Variants in IMMP1L observed in about 807,000 individuals in gnomAD.
IMMP1L encodes the protein inner mitochondrial membrane peptidase subunit 1.
IMMP1L carries 24 observed loss-of-function variants against 21.8 expected under a neutral mutation model. The observed-to-expected ratio is 1.10, with a 90% CI of 0.80 to 1.55. The LOEUF is 1.55. Ranked by LOEUF, IMMP1L falls within the 40% of genes most tolerant of loss-of-function variation. The probability of loss-of-function intolerance (pLI) is 0.00; values close to 1 mark genes in which losing one functional copy is unlikely to be tolerated. For synonymous variants in IMMP1L, 46 were observed against 62.8 expected (o/e 0.73, Z 1.26); for missense variants, 195 against 200.7 (o/e 0.97, Z 0.17).
At chr11:31,488,168 T>A (rs1167733552) in intron 1 of IMMP1L, 1 of 151,784 alleles carries the variant, frequency 6.6e-6, no homozygotes, top group Non-Finnish European at 1.5e-5. Context: ...TTAGGGAAGT[T>A]GCAGGGCTTC....
chr11:31,438,467 GCAT>G (rs2133550727), intron 4 of IMMP1L, among the ~76,000 whole-genome samples: 1 of 152,194 alleles, frequency 6.6e-6, no homozygotes, highest in African/African-American at 2.4e-5. Context: ...CTCCCAGGCT[GCAT>G]CTTTTTAAAT....
intron 1 of IMMP1L, chr11:31,477,088 T>C (rs1954752657): frequency 6.6e-6 from 1 of 152,082 alleles, no homozygotes; most frequent in Admixed American, 6.6e-5. Context: ...TTACCTTCAT[T>C]ACAAAAAATA....
At chr11:31,462,466 G>T (rs966344115) in intron 2 of IMMP1L, among the ~76,000 whole-genome samples, 1 of 151,562 alleles carries the variant, frequency 6.6e-6, no homozygotes, top group Non-Finnish European at 1.5e-5. Flanking sequence ...AAATTGACTG[G>T]CTGGTCAATC....
At chr11:31,487,694 G>T (rs1955129555) in intron 1 of IMMP1L, among the ~76,000 whole-genome samples, 1 of 152,006 alleles carries the variant, frequency 6.6e-6, no homozygotes, top group South Asian at 2.1e-4. Context: ...AATTATTACA[G>T]AACATTTAAC....
intron 1 of IMMP1L, among the ~76,000 whole-genome samples, chr11:31,497,535 C>T (rs1039584113): frequency 7.3e-5 from 11 of 150,030 alleles, no homozygotes; most frequent in Non-Finnish European, 1.5e-4. Flanking sequence ...GATCTCCGCT[C>T]ACCGCAACCT....
intron 1 of IMMP1L, among the ~76,000 whole-genome samples, chr11:31,484,809 C>A (rs571546003): frequency 6.6e-6 from 1 of 151,924 alleles, no homozygotes; most frequent in South Asian, 2.1e-4. Flanking sequence ...AGGCAATTTC[C>A]AACGATGTGC....
At chr11:31,439,500 C>T (rs1162383459) in intron 4 of IMMP1L, among the ~76,000 whole-genome samples, 3 of 152,132 alleles carry the variant, frequency 2.0e-5, no homozygotes, top group African/African-American at 4.8e-5. Flanking sequence ...TTTTAGAGTG[C>T]TTCTCTGCTA....
chr11:31,494,946 A>C lies in IMMP1L; in HGVS notation c.-30+14573T>G, dbSNP rs189583733. Among the ~76,000 whole-genome samples the C allele has an allele frequency of 4.8e-3, 727 of 152,190 alleles. 8 individuals carry two copies. Among genetic ancestry groups the C allele is most frequent in the African/African-American group, 0.017 (700 of 41,560 alleles). ...GGCGTGAGCCACCGCGACCAGCCCA[A>C]ATTTTCCAAACTTTTATGCTCTGTT... On this transcript the variant is annotated intron_variant, in intron 1 of 5. Coordinates refer to ENST00000532287, the MANE Select transcript of IMMP1L (RefSeq NM_001304274.2).
chr11:31,483,271 G>A (rs1440200779), intron 1 of IMMP1L, among the ~76,000 whole-genome samples: 2 of 151,888 alleles, frequency 1.3e-5, no homozygotes, highest in Non-Finnish European at 2.9e-5. Flanking sequence ...AAAATCATTA[G>A]GCTATCCACT....
intron 1 of IMMP1L, among the ~76,000 whole-genome samples, chr11:31,471,171 T>C (rs541851461): frequency 2.0e-5 from 3 of 152,364 alleles, no homozygotes; most frequent in South Asian, 4.1e-4. Flanking sequence ...TGTTAATTAC[T>C]CTGATTTGAT....
rs183886081 is a variant in IMMP1L at position 31,460,845 on chromosome 11, T to C, written c.106-131A>G. ...AGCTTGGGGGATGATTCATGAAAAT[T>C]TGGCAGTTCTCAAGTAAGTTCAACT... On this transcript the variant is annotated intron_variant, in intron 2 of 5. Coordinates refer to ENST00000532287, the MANE Select transcript of IMMP1L (RefSeq NM_001304274.2). The C allele has an allele frequency of 9.3e-4, 639 of 688,830 alleles. 7 individuals are homozygous for C. The African/African-American group carries it at 0.01, about 11-fold the overall frequency. 42.7% of individuals were successfully genotyped at this position (688,830 alleles called of 1,614,324 possible).
At chr11:31,494,196 G>A (rs1034949429) in intron 1 of IMMP1L, among the ~76,000 whole-genome samples, 4 of 152,204 alleles carry the variant, frequency 2.6e-5, no homozygotes, top group Non-Finnish European at 4.4e-5. Context: ...GCAGACTTCT[G>A]CCTGGTCATC....
At position 31,460,732 on chromosome 11, in the gene IMMP1L, T is replaced by C. The variant is rs1455263074; in HGVS notation, c.106-18A>G. The C allele has an allele frequency of 6.9e-7, 1 of 1,442,370 alleles. No individual in the cohort carries two copies. Among genetic ancestry groups the C allele is most frequent in the South Asian group, 1.2e-5 (1 of 83,470 alleles). 89.3% of individuals were successfully genotyped at this position (1,442,370 alleles called of 1,614,324 possible). ...CCAGAACACTGAAAAGAGAGGTAAT[T>C]TGTAATCTAAATTCAAAATCTCTTT... On this transcript the variant is annotated intron_variant, in intron 2 of 5. Transcript: ENST00000532287.
At chr11:31,433,398 T>G (rs1201707191) in intron 5 of IMMP1L, 62 bp downstream of exon 5, 5 of 960,778 alleles carry the variant, frequency 5.2e-6, no homozygotes, top group Non-Finnish European at 8.0e-6. Flanking sequence ...TCAGAGATCA[T>G]TTTGAGAGAA....
At chr11:31,503,884 A>G (rs1205484169) in intron 1 of IMMP1L, among the ~76,000 whole-genome samples, 3 of 152,240 alleles carry the variant, frequency 2.0e-5, no homozygotes, top group Admixed American at 2.0e-4. Context: ...GAACCTGAAG[A>G]CACACACTAA....
intron 4 of IMMP1L, among the ~76,000 whole-genome samples, chr11:31,442,943 T>A (rs16922169): frequency 0.021 from 3,164 of 152,266 alleles, 100 homozygotes; most frequent in African/African-American, 0.071. Context: ...TCTAATGGAA[T>A]AATCAGTGGG....
intron 4 of IMMP1L, among the ~76,000 whole-genome samples, chr11:31,437,524 C>A (rs1434058528): frequency 1.3e-5 from 2 of 152,056 alleles, no homozygotes; most frequent in African/African-American, 4.8e-5. Context: ...TGCAATTACT[C>A]CTCCTTTTAA....
chr11:31,484,702 A>G (rs540896443), intron 1 of IMMP1L, among the ~76,000 whole-genome samples: 1 of 151,882 alleles, frequency 6.6e-6, no homozygotes, highest in Non-Finnish European at 1.5e-5. Flanking sequence ...ATTCCACAGG[A>G]GTTGCATCAT....
chr11:31,484,323 T>C (rs1954999167), intron 1 of IMMP1L, among the ~76,000 whole-genome samples: 1 of 151,906 alleles, frequency 6.6e-6, no homozygotes, highest in Non-Finnish European at 1.5e-5. Context: ...CAAATATGAA[T>C]ATATGGTTTT....
Sources: allele counts gnomAD v4.1 joint callset (sites outside exome capture counted in the v4.1 genomes callset), GRCh38; gene constraint gnomAD v4.1.1; transcripts MANE v1.5; gene names NCBI Gene and HGNC (gene_info 2026-07-23, HGNC 2026-07-21).